The following ZNF143 variants were observed in gnomAD, a reference collection of about 807,000 sequenced individuals.
ZNF143 encodes SPH-binding factor.
ZNF143 carries 49 observed loss-of-function variants against 74.1 expected under a neutral mutation model. That is an observed-to-expected ratio of 0.66 (90% CI 0.53 to 0.84). The LOEUF (loss-of-function observed/expected upper bound fraction) is 0.84. Among genes scored for constraint, ZNF143 ranks in the 40% least tolerant of loss-of-function variants. The pLI, the probability that ZNF143 is intolerant of heterozygous loss-of-function variation, is 0.00. For missense variants in ZNF143, 637 were observed against 793.4 expected, an observed-to-expected ratio of 0.80 and a Z score of 2.37; for synonymous variants, 304 against 282.8, an observed-to-expected ratio of 1.07 and a Z score of -0.75.
chr11:9,513,646 A>G lies in ZNF143; in HGVS notation c.1524+1050A>G, dbSNP rs569385606. ...CGCGGAGGCTTACGCCTATAATCAC[A>G]GCACTTTGAGAGGCCAGAGCGGGTG... On this transcript the variant is annotated intron_variant, in intron 13 of 15. Coordinates refer to ENST00000396602, the MANE Select transcript of ZNF143 (RefSeq NM_003442.6). 5.3e-5 allele frequency among the ~76,000 whole-genome samples: 8 copies of G among 152,368 alleles called. No individual in the cohort carries two copies. The South Asian group carries it at 1.2e-3, about 24-fold the overall frequency.
intron 7 of ZNF143, among the ~76,000 whole-genome samples, chr11:9,481,653 C>T (rs1052125913): frequency 2.0e-5 from 3 of 151,914 alleles, no homozygotes; most frequent in Admixed American, 6.6e-5. Flanking sequence ...TTTGGGAGGC[C>T]GAGGCAGGTG....
At chr11:9,489,933 C>T (rs1847705979) in intron 7 of ZNF143, among the ~76,000 whole-genome samples, 1 of 152,122 alleles carries the variant, frequency 6.6e-6, no homozygotes, top group African/African-American at 2.4e-5. Flanking sequence ...GTAATCCAAA[C>T]ACTTTGGGAG....
chr11:9,469,871 T>C (rs557408700), intron 1 of ZNF143, among the ~76,000 whole-genome samples: 123 of 152,368 alleles, frequency 8.1e-4, no homozygotes, highest in African/African-American at 2.8e-3. Flanking sequence ...ATCATGGCAC[T>C]GATACCTTTT....
At chr11:9,497,876 G>C in intron 10 of ZNF143, 76 bp downstream of exon 10, 1 of 1,121,428 alleles carries the variant, frequency 8.9e-7, no homozygotes, top group Non-Finnish European at 1.2e-6. Context: ...TGTCGCCTAG[G>C]CTGGAGTGCA....
Position 9,527,987 on chromosome 11 carries a change from G to A in ZNF143, c.*374G>A. On this transcript the variant is annotated 3_prime_UTR_variant, in exon 16 of 16. Transcript: ENST00000396602. ...TAAAGGCTGTATCTAAAATATCAAA[G>A]GTTCTATATGTCACACAATCGTAAT... The A allele has an allele frequency of 6.2e-6, 1 of 160,950 alleles. No homozygotes were observed. Among genetic ancestry groups the A allele is most frequent in the Non-Finnish European group, 1.4e-5 (1 of 73,494 alleles). The allele number at this position is 160,950 out of a possible 1,614,324, so 10.0% of individuals were successfully genotyped here. A position where few individuals can be genotyped will look rare whatever the true frequency, so the allele number is the denominator to read the frequency against.
At chr11:9,515,387 T>C (rs1160903883) in intron 13 of ZNF143, among the ~76,000 whole-genome samples, 6 of 151,860 alleles carry the variant, frequency 4.0e-5, no homozygotes, top group Non-Finnish European at 5.9e-5. Context: ...TGGTGGCTCA[T>C]GCCTGTAATC....
intron 14 of ZNF143, among the ~76,000 whole-genome samples, chr11:9,518,405 A>C (rs1205656386): frequency 6.6e-6 from 1 of 152,342 alleles, no homozygotes; most frequent in African/African-American, 2.4e-5. Flanking sequence ...AAGATGTTCA[A>C]CATCATTAGT....
intron 11 of ZNF143, among the ~76,000 whole-genome samples, chr11:9,506,430 G>T (rs1848366956): frequency 6.6e-6 from 1 of 152,238 alleles, no homozygotes; most frequent in East Asian, 1.9e-4. Context: ...TAAGAGAGAT[G>T]CCTACATTAA....
At chr11:9,472,568 A>T in intron 2 of ZNF143, 109 bp from the exon 3 acceptor site, 5 of 922,936 alleles carry the variant, frequency 5.4e-6, no homozygotes, top group Non-Finnish European at 6.6e-6. Flanking sequence ...TCTCATTTTG[A>T]GTCTGAGTTA....
rs1847153575 is a variant in ZNF143, at chr11:9,479,453, C to CT, written c.571-16dup. ...TATCAAAATGTAAAACATTTTAAAG[C>CT]TTTATTTTATTCCTATAGGTGTCCA... On this transcript the variant is annotated intron_variant, in intron 6 of 15. Transcript: ENST00000396602. 6.3e-7 allele frequency: 1 copy of CT among 1,596,014 alleles called. No homozygotes were observed.
rs1049551118 is a variant in ZNF143 at position 9,508,560 on chromosome 11, A to G, written c.1148-59A>G. On this transcript the variant is annotated intron_variant, in intron 11 of 15. Transcript: ENST00000396602. ...GTATTTTACCCCCTGGGGGGGAAGT[A>G]TGGAATGATTTTGCCTACATATGTA... 4 of 1,520,132 alleles carry G rather than the reference A, an allele frequency of 2.6e-6. No individual in the cohort carries two copies. The African/African-American group carries it at 4.1e-5, about 16-fold the overall frequency. 94.2% of individuals were successfully genotyped at this position (1,520,132 alleles called of 1,614,324 possible).
intron 10 of ZNF143, among the ~76,000 whole-genome samples, chr11:9,500,083 AC>A (rs991234151): frequency 4.3e-4 from 65 of 151,960 alleles, no homozygotes; most frequent in African/African-American, 1.5e-3. Flanking sequence ...GCTGGGACTT[AC>A]CACTGTGCAC....
At chr11:9,517,222 T>C (rs913277655) in intron 14 of ZNF143, among the ~76,000 whole-genome samples, 5 of 152,162 alleles carry the variant, frequency 3.3e-5, no homozygotes, top group African/African-American at 7.2e-5. Context: ...TAAACTAGTC[T>C]GTTCTGCATC....
At chr11:9,492,208 T>G (rs1847809018) in intron 7 of ZNF143, among the ~76,000 whole-genome samples, 1 of 151,122 alleles carries the variant, frequency 6.6e-6, no homozygotes. Context: ...CCTCCCGGGT[T>G]CAAGCAATTC....
chr11:9,505,388 G>A (rs1353267788), intron 11 of ZNF143, among the ~76,000 whole-genome samples: 5 of 151,886 alleles, frequency 3.3e-5, no homozygotes, highest in Non-Finnish European at 7.4e-5. Flanking sequence ...TCCTGCCTCA[G>A]CCTCCCGAGT....
chr11:9,472,862 T>A (rs1225964892), intron 3 of ZNF143, 93 bp downstream of exon 3: 1 of 767,024 alleles, frequency 1.3e-6, no homozygotes, highest in East Asian at 3.0e-5. Flanking sequence ...TTCCTATGTC[T>A]CCTAAAGATG....
At chr11:9,474,290 T>C (rs923917413) in intron 4 of ZNF143, among the ~76,000 whole-genome samples, 2 of 152,216 alleles carry the variant, frequency 1.3e-5, no homozygotes. Context: ...ATCTTACATG[T>C]CTCTCATTTT....
At chr11:9,512,952 A>G (rs141523164) in intron 13 of ZNF143, among the ~76,000 whole-genome samples, 2 of 152,288 alleles carry the variant, frequency 1.3e-5, no homozygotes, top group East Asian at 1.9e-4. Flanking sequence ...GAGAAAACAG[A>G]GATTTGGCTG....
intron 7 of ZNF143, among the ~76,000 whole-genome samples, chr11:9,485,387 A>T (rs1590551804): frequency 8.4e-6 from 1 of 119,606 alleles, no homozygotes; most frequent in African/African-American, 3.4e-5. Context: ...TCGCTATGTC[A>T]CCCAGGCTGG....
Sources: gnomAD v4.1 joint callset for allele counts (sites outside exome capture counted in the v4.1 genomes callset) on GRCh38, gnomAD v4.1.1 for gene constraint, MANE v1.5 for transcripts, NCBI Gene and HGNC (gene_info 2026-07-23, HGNC 2026-07-21) for gene names.